Variants in GPR158 observed in about 807,000 individuals in gnomAD.
The protein encoded by GPR158 is G protein-coupled receptor 158, also known as metabotropic glycine receptor.
Under a neutral mutation model 78.2 loss-of-function variants are expected in GPR158, and 30 were observed. The ratio of observed to expected loss-of-function variants is 0.38; its 90% CI spans 0.29 to 0.52. The LOEUF is 0.52. Among genes scored for constraint, GPR158 ranks in the 20% least tolerant of loss-of-function variants. GPR158 has a pLI of 0.83. For missense variants in GPR158, 1,463 were observed against 1,523.5 expected, an observed-to-expected ratio of 0.96 and a Z score of 0.66; for synonymous variants, 581 against 591.1, an observed-to-expected ratio of 0.98 and a Z score of 0.25.
At chr10:25,277,213 A>C (rs1202562229) in intron 2 of GPR158, among the ~76,000 whole-genome samples, 1 of 152,164 alleles carries the variant, frequency 6.6e-6, no homozygotes, top group Non-Finnish European at 1.5e-5. Flanking sequence ...AGCCTTTCCA[A>C]GTAGCTGGGA....
chr10:25,375,218 T>A (rs1834060872), intron 2 of GPR158, among the ~76,000 whole-genome samples: 2 of 151,802 alleles, frequency 1.3e-5, no homozygotes, highest in African/African-American at 4.8e-5. Context: ...TTGCGTATAT[T>A]CTAATTGCAG....
chr10:25,420,500 A>G (rs1233049446), intron 4 of GPR158, among the ~76,000 whole-genome samples: 2 of 151,888 alleles, frequency 1.3e-5, no homozygotes, highest in Non-Finnish European at 2.9e-5. Context: ...TTCTTTTGTC[A>G]CTTGTGCTTT....
chr10:25,503,106 G>C (rs1031142624), intron 5 of GPR158, among the ~76,000 whole-genome samples: 2 of 152,050 alleles, frequency 1.3e-5, no homozygotes, highest in African/African-American at 4.8e-5. Flanking sequence ...TCCACGTGCA[G>C]TGGCTCATGC....
chr10:25,307,016 C>CAGAG (rs67926384), intron 2 of GPR158, among the ~76,000 whole-genome samples: 337 of 146,468 alleles, frequency 2.3e-3, no homozygotes, highest in Non-Finnish European at 3.6e-3. Context: ...CACACACATA[C>CAGAG]AGAGAGAGAG....
chr10:25,230,936 T>C (rs2130694940), intron 2 of GPR158, among the ~76,000 whole-genome samples: 2 of 152,312 alleles, frequency 1.3e-5, no homozygotes, highest in East Asian at 3.9e-4. Flanking sequence ...ATTGGCTATA[T>C]GTTTGGACTA....
intron 4 of GPR158, chr10:25,466,288 A>G (rs1157901383): frequency 1.8e-5 from 3 of 171,166 alleles, no homozygotes; most frequent in Non-Finnish European, 3.7e-5. Flanking sequence ...TCATTCCCTG[A>G]AGCCCGTGAG....
chr10:25,350,001 T>C (rs548543324), intron 2 of GPR158, among the ~76,000 whole-genome samples: 1 of 152,128 alleles, frequency 6.6e-6, no homozygotes, highest in South Asian at 2.1e-4. Flanking sequence ...AGTAGTTTGA[T>C]TCTTCTTGTA....
chr10:25,390,667 T>G (rs1187404197), intron 2 of GPR158, among the ~76,000 whole-genome samples: 2 of 152,254 alleles, frequency 1.3e-5, no homozygotes, highest in Non-Finnish European at 1.5e-5. Flanking sequence ...TTGGAACTTA[T>G]GTTTAAAAGA....
chr10:25,345,926 G>C (rs1855365563), intron 2 of GPR158, among the ~76,000 whole-genome samples: 1 of 151,940 alleles, frequency 6.6e-6, no homozygotes, highest in East Asian at 1.9e-4. Context: ...AGTGATAAGA[G>C]CTCTAGAAAA....
At chr10:25,526,019 T>C (rs1215529893) in intron 5 of GPR158, among the ~76,000 whole-genome samples, 1 of 146,604 alleles carries the variant, frequency 6.8e-6, no homozygotes, top group Non-Finnish European at 1.5e-5. Flanking sequence ...GGCAGGAGAG[T>C]TGCTTGAACC....
At chr10:25,529,105 A>G (rs897985148) in intron 5 of GPR158, among the ~76,000 whole-genome samples, 1 of 152,120 alleles carries the variant, frequency 6.6e-6, no homozygotes, top group Admixed American at 6.6e-5. Flanking sequence ...TTGAGAGCAT[A>G]CGGCCAGGCA....
intron 2 of GPR158, among the ~76,000 whole-genome samples, chr10:25,376,961 A>G (rs1401441889): frequency 2.6e-5 from 4 of 151,454 alleles, no homozygotes; most frequent in Admixed American, 2.6e-4. Context: ...CCAGCTCTAA[A>G]GTTTTTCTTT....
chr10:25,594,480 T>C, intron 9 of GPR158, 83 bp downstream of exon 9: 1 of 564,192 alleles, frequency 1.8e-6, no homozygotes, highest in South Asian at 2.7e-5. Context: ...CAAAAGGAGG[T>C]ATGGAAATTT....
At chr10:25,435,688 A>G (rs1834988695) in intron 4 of GPR158, among the ~76,000 whole-genome samples, 1 of 152,222 alleles carries the variant, frequency 6.6e-6, no homozygotes, top group Non-Finnish European at 1.5e-5. Context: ...GCAAGGGAAT[A>G]GAGGATCTGT....
chr10:25,503,145 A>C (rs1399269090), intron 5 of GPR158, among the ~76,000 whole-genome samples: 14 of 151,856 alleles, frequency 9.2e-5, no homozygotes, highest in Admixed American at 8.5e-4. Flanking sequence ...GGGAGGATCT[A>C]AGGGGACCAG....
At chr10:25,249,625 C>A (rs1232094575) in intron 2 of GPR158, among the ~76,000 whole-genome samples, 3 of 150,664 alleles carry the variant, frequency 2.0e-5, no homozygotes, top group Non-Finnish European at 4.4e-5. Flanking sequence ...TATTGATTTG[C>A]GTATATTGAA....
At chr10:25,578,100 A>G (rs571917212) in intron 7 of GPR158, among the ~76,000 whole-genome samples, 2 of 152,324 alleles carry the variant, frequency 1.3e-5, no homozygotes, top group Non-Finnish European at 2.9e-5. Context: ...TAATAACAAT[A>G]CATACTATGG....
chr10:25,189,573 G>A (rs1490747175), intron 1 of GPR158, among the ~76,000 whole-genome samples: 2 of 151,990 alleles, frequency 1.3e-5, no homozygotes, highest in African/African-American at 4.8e-5. Context: ...ACTCATAGGT[G>A]GGAGTTGAAC....
intron 4 of GPR158, among the ~76,000 whole-genome samples, chr10:25,443,644 C>T (rs1329247): frequency 0.6 from 89,402 of 148,232 alleles, 27,998 homozygotes; most frequent in Non-Finnish European, 0.67. Context: ...TGACCTCAAG[C>T]GATCATTCCA....
Sources: allele counts gnomAD v4.1 joint callset (sites outside exome capture counted in the v4.1 genomes callset), GRCh38; gene constraint gnomAD v4.1.1; transcripts MANE v1.5; gene names NCBI Gene and HGNC (gene_info 2026-07-23, HGNC 2026-07-21).